The following ANKMY2 variants were observed in gnomAD, a reference collection of about 807,000 sequenced individuals.
The protein encoded by ANKMY2 is ankyrin repeat and MYND domain-containing protein 2.
A neutral mutation model predicts 50.4 loss-of-function variants in ANKMY2; 36 were observed. That is an observed-to-expected ratio of 0.71 (90% confidence interval 0.55 to 0.94). The LOEUF (loss-of-function observed/expected upper bound fraction) is 0.94. Ranked by LOEUF, ANKMY2 falls within the 40% of genes least tolerant of loss-of-function variation. The pLI is 0.00. For synonymous variants in ANKMY2, 187 were observed against 178.8 expected, an observed-to-expected ratio of 1.05 and a Z score of -0.36; for missense variants, 565 against 524.0, an observed-to-expected ratio of 1.08 and a Z score of -0.76.
At chr7:16,644,292 T>C (rs1448486446) in intron 1 of ANKMY2, among the ~76,000 whole-genome samples, 1 of 152,030 alleles carries the variant, frequency 6.6e-6, no homozygotes, top group African/African-American at 2.4e-5. Flanking sequence ...CTAACCCAAA[T>C]CCCCAAATTC....
chr7:16,644,495 C>T (rs193004176), intron 1 of ANKMY2: 7 of 324,614 alleles, frequency 2.2e-5, no homozygotes, highest in Admixed American at 1.3e-4. Context: ...TTCAGCCTGG[C>T]TACTAAGTAA....
chr7:16,600,929 G>T lies in ANKMY2; in HGVS notation c.1158C>A (p.Val386=). The T allele has an allele frequency of 6.3e-7, 1 of 1,589,638 alleles. No homozygotes were observed. Among genetic ancestry groups the T allele is most frequent in the Non-Finnish European group, 8.6e-7 (1 of 1,167,920 alleles). The change falls in exon 10 of 10, where the codon GTC becomes GTA. Residue 386 remains valine, a synonymous_variant. Coordinates refer to ENST00000306999, the MANE Select transcript of ANKMY2 (RefSeq NM_020319.3). ...GCTCTTCATTAACACAGTTAGAATT[G>T]ACATCAAGTTTGCCGTCTGATTAAA... The part of the protein sequence containing the change: ...RQEENHGKLD[V]NSNCVNEEQP...
intron 2 of ANKMY2, among the ~76,000 whole-genome samples, chr7:16,632,199 G>A (rs549544918): frequency 3.0e-4 from 44 of 147,548 alleles, no homozygotes; most frequent in African/African-American, 1.1e-3. Context: ...CTATATTTTG[G>A]TTTTAAGTTG....
At chr7:16,637,588 G>A (rs1781683690) in intron 1 of ANKMY2, among the ~76,000 whole-genome samples, 1 of 152,170 alleles carries the variant, frequency 6.6e-6, no homozygotes, top group Non-Finnish European at 1.5e-5. Context: ...TATTCCATCT[G>A]AAAGCAGTTA....
intron 1 of ANKMY2, among the ~76,000 whole-genome samples, chr7:16,639,347 T>C (rs1781715907): frequency 6.6e-6 from 1 of 152,226 alleles, no homozygotes. Context: ...GATAGAGTAC[T>C]ATAAGAAGGG....
intron 4 of ANKMY2, among the ~76,000 whole-genome samples, chr7:16,621,189 G>A (rs1781429911): frequency 6.6e-6 from 1 of 152,144 alleles, no homozygotes; most frequent in African/African-American, 2.4e-5. Context: ...GACTGAGTGT[G>A]GAGGTGGTAG....
intron 2 of ANKMY2, among the ~76,000 whole-genome samples, chr7:16,628,161 G>C (rs1386089825): frequency 6.6e-6 from 1 of 152,160 alleles, no homozygotes; most frequent in African/African-American, 2.4e-5. Context: ...TAGGCGAAAC[G>C]CTGTAAGTAC....
intron 8 of ANKMY2, among the ~76,000 whole-genome samples, chr7:16,604,306 G>A (rs1192048679): frequency 1.3e-5 from 2 of 152,220 alleles, no homozygotes; most frequent in Non-Finnish European, 1.5e-5. Flanking sequence ...AGTTTTACAA[G>A]GATATGTTGA....
rs1326413111 is a variant in ANKMY2, at chr7:16,622,210, G to T, written c.370+2773C>A. On this transcript the variant is annotated intron_variant, in intron 4 of 9. Coordinates refer to ENST00000306999, the MANE Select transcript of ANKMY2 (RefSeq NM_020319.3). ...AAGCTCCTCAAAGCAATAACAAAGG[G>T]CATCCCCCCACAAAAAAATGAATAA... 2.6e-5 allele frequency among the ~76,000 whole-genome samples: 4 copies of T among 152,106 alleles called. No individual in the cohort carries two copies. In the East Asian group the frequency reaches 7.7e-4, roughly 29 times the overall value.
At chr7:16,625,724 G>C (rs1781498161) in intron 3 of ANKMY2, among the ~76,000 whole-genome samples, 2 of 152,020 alleles carry the variant, frequency 1.3e-5, no homozygotes, top group South Asian at 4.1e-4. Context: ...AATGCATTTT[G>C]CCAGGCTGCC....
At chr7:16,610,501 A>T (rs770303750) in intron 6 of ANKMY2, 48 bp downstream of exon 6, 10 of 1,467,356 alleles carry the variant, frequency 6.8e-6, no homozygotes, top group African/African-American at 1.4e-5. Context: ...ATATTAAAAA[A>T]AATATTCACT....
chr7:16,631,858 A>G (rs998801862), intron 2 of ANKMY2, among the ~76,000 whole-genome samples: 2 of 152,056 alleles, frequency 1.3e-5, no homozygotes, highest in Admixed American at 6.6e-5. Context: ...CAGGTGATCC[A>G]ACCGCCTCGG....
rs187772802 is a variant in ANKMY2, at chr7:16,618,174, C to A, written c.371-2270G>T. Among the ~76,000 whole-genome samples, 304 of 152,168 alleles carry A rather than the reference C, an allele frequency of 2.0e-3. 9 individuals carry two copies. The East Asian group carries it at 0.051, about 26-fold the overall frequency. On this transcript the variant is annotated intron_variant, in intron 4 of 9. Coordinates refer to ENST00000306999, the MANE Select transcript of ANKMY2 (RefSeq NM_020319.3). ...CTCCTGACCTCAGGTGATCTGCCTG[C>A]CTTAGCCTCCCAAAGTGCTGGGATT...
Position 16,601,031 on chromosome 7 carries a change from T to A in ANKMY2, c.1142-86A>T, listed in dbSNP as rs895270276. On this transcript the variant is annotated intron_variant, in intron 9 of 9. Coordinates refer to ENST00000306999, the MANE Select transcript of ANKMY2 (RefSeq NM_020319.3). ...CTTTACATGTATTATTTAATCTTCC[T>A]ATCAACTACATGAGGTATATTAGTA... The A allele has an allele frequency of 1.1e-5, 12 of 1,063,260 alleles. No homozygotes were observed. The African/African-American group carries it at 1.6e-4, about 14-fold the overall frequency. 65.9% of individuals were successfully genotyped at this position (1,063,260 alleles called of 1,614,324 possible). A position where few individuals can be genotyped will look rare whatever the true frequency, so the allele number is the denominator to read the frequency against.
chr7:16,602,103 G>A (rs1562764257), intron 9 of ANKMY2, among the ~76,000 whole-genome samples: 1 of 152,018 alleles, frequency 6.6e-6, no homozygotes, highest in Non-Finnish European at 1.5e-5. Flanking sequence ...CCCATTAAGG[G>A]TCCCATTGTT....
intron 7 of ANKMY2, among the ~76,000 whole-genome samples, chr7:16,606,387 T>G (rs527756131): frequency 6.6e-6 from 1 of 151,616 alleles, no homozygotes; most frequent in African/African-American, 2.4e-5. Context: ...CGAGATCGTG[T>G]CACTACACTC....
At chr7:16,615,511 C>G (rs1310889755) in intron 5 of ANKMY2, among the ~76,000 whole-genome samples, 1 of 152,176 alleles carries the variant, frequency 6.6e-6, no homozygotes, top group Non-Finnish European at 1.5e-5. Flanking sequence ...TTCAGCAAAC[C>G]CATCTCTTTG....
At chr7:16,625,408 T>A (rs555260644) in intron 3 of ANKMY2, among the ~76,000 whole-genome samples, 1 of 152,290 alleles carries the variant, frequency 6.6e-6, no homozygotes, top group African/African-American at 2.4e-5. Flanking sequence ...AAACAATTTT[T>A]TAAAAAGAGA....
At chr7:16,606,326 G>A (rs1184094003) in intron 7 of ANKMY2, among the ~76,000 whole-genome samples, 2 of 152,136 alleles carry the variant, frequency 1.3e-5, no homozygotes, top group Non-Finnish European at 2.9e-5. Flanking sequence ...CTACTTGGGA[G>A]GCTGAGGCAG....
Sources: gnomAD v4.1 joint callset for allele counts (sites outside exome capture counted in the v4.1 genomes callset) on GRCh38, gnomAD v4.1.1 for gene constraint, MANE v1.5 for transcripts, NCBI Gene and HGNC (gene_info 2026-07-23, HGNC 2026-07-21) for gene names.